FBXO32: variants seen among roughly 807,000 people sequenced by gnomAD.
FBXO32 encodes F-box only protein 32.
FBXO32 carries 15 observed loss-of-function variants against 48.3 expected under a neutral mutation model. The ratio of observed to expected loss-of-function variants is 0.31; its 90% CI spans 0.21 to 0.48. The LOEUF (loss-of-function observed/expected upper bound fraction) is 0.48. FBXO32 is among the 20% of genes least tolerant of loss of function. The pLI is 0.99. For missense variants in FBXO32, 309 were observed against 432.7 expected, an observed-to-expected ratio of 0.71 and a Z score of 2.54; for synonymous variants, 154 against 165.9, an observed-to-expected ratio of 0.93 and a Z score of 0.55.
intron 1 of FBXO32, among the ~76,000 whole-genome samples, chr8:123,536,313 G>C (rs1033779482): frequency 2.0e-5 from 3 of 152,144 alleles, no homozygotes; most frequent in Non-Finnish European, 4.4e-5. Context: ...CCTCTCAGAG[G>C]CACCTTCAAA....
chr8:123,541,053 C>T lies in FBXO32; in HGVS notation c.-39G>A. ...GACTAGACGGATGGGGAGACGGGGC[C>T]GGCCTGGTGGGCTCGGGGACGTGCC... On this transcript the variant is annotated 5_prime_UTR_variant, in exon 1 of 9. Coordinates refer to ENST00000517956, the MANE Select transcript of FBXO32 (RefSeq NM_058229.4). The T allele has an allele frequency of 2.1e-6, 3 of 1,430,138 alleles. No homozygotes were observed. The highest frequency in any genetic ancestry group is 2.9e-6 in the Non-Finnish European group (3 of 1,048,108). The allele number at this position is 1,430,138 out of a possible 1,614,324, so 88.6% of individuals were successfully genotyped here. A position where few individuals can be genotyped will look rare whatever the true frequency, so the allele number is the denominator to read the frequency against.
intron 7 of FBXO32, among the ~76,000 whole-genome samples, chr8:123,505,294 C>T (rs1163196731): frequency 6.6e-6 from 1 of 152,182 alleles, no homozygotes; most frequent in Admixed American, 6.5e-5. Context: ...AAGGTCAGGG[C>T]CAGTTTCCTC....
At chr8:123,530,972 ATTTTTTT>A (rs35151201) in intron 4 of FBXO32, among the ~76,000 whole-genome samples, 1 of 69,004 alleles carries the variant, frequency 1.4e-5, no homozygotes, top group Non-Finnish European at 2.4e-5. Flanking sequence ...ATCCAGTCAG[ATTTTTTT>A]TTTTTTTTTT....
rs751002639 is a variant in FBXO32 at position 123,514,281 on chromosome 8, TG to T, written c.424del (p.Gln142LysfsTer5). On this transcript the variant is annotated frameshift_variant, in exon 5 of 9. Transcript: ENST00000517956. LOFTEE classifies it high-confidence loss of function. ...SQLTSLSGIA[Q>X]KNFMNILEKV... ...TTCCAAAATATTCATGAAGTTCTTT[TG>T]GGCGATGCCACTCAGGGATGTGAGC... 1 of 1,613,290 alleles carries T rather than the reference TG, an allele frequency of 6.2e-7. No individual in the cohort carries two copies. The highest frequency in any genetic ancestry group is 8.5e-7 in the Non-Finnish European group (1 of 1,179,792).
intron 4 of FBXO32, among the ~76,000 whole-genome samples, chr8:123,522,327 G>A (rs1437635110): frequency 1.3e-5 from 2 of 150,686 alleles, no homozygotes; most frequent in East Asian, 2.0e-4. Context: ...TCCTGCCTCA[G>A]CCTTCTGAGT....
chr8:123,513,260 C>T lies in FBXO32; in HGVS notation c.589G>A (p.Val197Met), dbSNP rs1226414367. 1 of 1,614,076 alleles carries T rather than the reference C, an allele frequency of 6.2e-7. No individual in the cohort carries two copies. Among genetic ancestry groups the T allele is most frequent in the East Asian group, 2.2e-5 (1 of 44,896 alleles). Residue 197 changes from valine to methionine, a missense_variant, in exon 6 of 9, where the codon GTG becomes ATG. Val to Met is a conservative substitution (Grantham distance 21). Transcript: ENST00000517956. The surrounding 1 kb of genome is among the most constrained non-coding windows in gnomAD (Gnocchi z 4.3). ...TGGAGAATCGTCTCCATCCGATACA[C>T]CCACATGTTAATGTTCCCGACCAGC... ...SVLVGNINMW[V>M]YRMETILHWQ...
intron 6 of FBXO32, among the ~76,000 whole-genome samples, chr8:123,511,583 C>T (rs1816736116): frequency 6.6e-6 from 1 of 151,708 alleles, no homozygotes; most frequent in African/African-American, 2.4e-5. Flanking sequence ...TCAAGTGATT[C>T]TCCTGCCTCA....
chr8:123,517,839 G>T (rs1039988214), intron 4 of FBXO32, among the ~76,000 whole-genome samples: 2 of 152,104 alleles, frequency 1.3e-5, no homozygotes, highest in Non-Finnish European at 2.9e-5. Context: ...CAAACATAAG[G>T]CATTTTTATT....
chr8:123,522,177 C>T (rs1022380435), intron 4 of FBXO32, among the ~76,000 whole-genome samples: 1 of 150,470 alleles, frequency 6.6e-6, no homozygotes, highest in Admixed American at 6.6e-5. Context: ...GAGAGACTTG[C>T]CTCTTCATCT....
At chr8:123,536,403 G>A (rs1246365188) in intron 1 of FBXO32, among the ~76,000 whole-genome samples, 1 of 152,104 alleles carries the variant, frequency 6.6e-6, no homozygotes, top group South Asian at 2.1e-4. Flanking sequence ...TGACTATAGG[G>A]GTACAGAATC....
intron 8 of FBXO32, 138 bp from the exon 9 acceptor site, chr8:123,503,600 C>T (rs1372790746): frequency 1.3e-5 from 8 of 624,904 alleles, no homozygotes; most frequent in South Asian, 8.0e-5. Flanking sequence ...TGTTCTCACT[C>T]GTATGTGGGA....
chr8:123,503,352 A>C lies in FBXO32; in HGVS notation c.*21T>G. 2 of 1,605,844 alleles carry C rather than the reference A, an allele frequency of 1.2e-6. No homozygotes were observed. The highest frequency in any genetic ancestry group is 1.7e-6 in the Non-Finnish European group (2 of 1,172,524). ...CCAGTCAGCAGGGGGACCCTTCTGA[A>C]GTGTTGTCATGTGCTGGGATTCAGA... is the stretch of plus-strand genomic sequence containing the variant. On this transcript the variant is annotated 3_prime_UTR_variant, in exon 9 of 9. Coordinates refer to ENST00000517956, the MANE Select transcript of FBXO32 (RefSeq NM_058229.4).
intron 4 of FBXO32, among the ~76,000 whole-genome samples, chr8:123,521,448 G>A (rs1316158766): frequency 1.3e-5 from 2 of 152,218 alleles, no homozygotes; most frequent in African/African-American, 4.8e-5. Flanking sequence ...CCAGACTGAT[G>A]CCCCAGGAGT....
chr8:123,534,907 A>G, intron 1 of FBXO32, 93 bp from the exon 2 acceptor site: 1 of 688,230 alleles, frequency 1.5e-6, no homozygotes, highest in Non-Finnish European at 2.4e-6. Flanking sequence ...TATAAGACAA[A>G]CAAACATACA....
At position 123,540,837 on chromosome 8, in the gene FBXO32, G is replaced by A; in HGVS notation, c.116+62C>T. The A allele has an allele frequency of 1.4e-6, 2 of 1,396,440 alleles. No individual in the cohort carries two copies. The highest frequency in any genetic ancestry group is 1.8e-4 in the Middle Eastern group (1 of 5,478). 86.5% of individuals were successfully genotyped at this position (1,396,440 alleles called of 1,614,324 possible). ...CCTGCCCCTCATTCGCCGTCCCTGC[G>A]CCCCCCAGACCAGCCCGGGTCAGTT... On this transcript the variant is annotated intron_variant, in intron 1 of 8. Transcript: ENST00000517956. The surrounding 1 kb of genome is among the most constrained non-coding windows in gnomAD (Gnocchi z 6.4).
At chr8:123,534,136 A>C (rs1007749197) in intron 2 of FBXO32, among the ~76,000 whole-genome samples, 5 of 150,618 alleles carry the variant, frequency 3.3e-5, no homozygotes, top group Admixed American at 1.3e-4. Flanking sequence ...AAAAAAAAAA[A>C]CACCCCTAAT....
chr8:123,533,415 A>C (rs528487430), intron 2 of FBXO32, among the ~76,000 whole-genome samples, 175 bp from the exon 3 acceptor site: 2 of 152,248 alleles, frequency 1.3e-5, no homozygotes, highest in Non-Finnish European at 1.5e-5. Context: ...TACTGGGGCT[A>C]TAAGTTGCTT....
At position 123,506,694 on chromosome 8, in the gene FBXO32, G is replaced by A. The variant is rs1816631705; in HGVS notation, c.652-120C>T. On this transcript the variant is annotated intron_variant, in intron 6 of 8. Transcript: ENST00000517956. The surrounding 1 kb of genome is among the most constrained non-coding windows in gnomAD (Gnocchi z 4.0). The stretch of plus-strand genomic sequence containing the variant: ...CCTCAAGGCAGTTTATTGATAAGAG[G>A]TCGAAAGCAGTAGTAAATCTCCCCA... The A allele has an allele frequency of 2.6e-6, 2 of 768,430 alleles. No individual in the cohort carries two copies. The highest frequency in any genetic ancestry group is 4.2e-6 in the Non-Finnish European group (2 of 473,368). The allele number at this position is 768,430 out of a possible 1,614,324, so 47.6% of individuals were successfully genotyped here. A position where few individuals can be genotyped will look rare whatever the true frequency, so the allele number is the denominator to read the frequency against.
rs1816681586 is a variant in FBXO32 at position 123,508,854 on chromosome 8, C to T, written c.652-2280G>A. On this transcript the variant is annotated intron_variant, in intron 6 of 8. Coordinates refer to ENST00000517956, the MANE Select transcript of FBXO32 (RefSeq NM_058229.4). ...GGGTTCACTCTGTCAAATTTTCAAA[C>T]CTGAACTTTTCCAAAATCCTTGCCC... Among the ~76,000 whole-genome samples, 3 of 152,176 alleles carry T rather than the reference C, an allele frequency of 2.0e-5. No homozygotes were observed. The South Asian group carries it at 6.2e-4, about 32-fold the overall frequency.
Sources: gnomAD v4.1 joint callset for allele counts (sites outside exome capture counted in the v4.1 genomes callset) on GRCh38, gnomAD v4.1.1 for gene constraint, Gnocchi (gnomAD v3.1) non-coding constraint, MANE v1.5 for transcripts, NCBI Gene and HGNC (gene_info 2026-07-23, HGNC 2026-07-21) for gene names.